The following TBC1D5 variants were observed in gnomAD, a reference collection of about 807,000 sequenced individuals.
The protein encoded by TBC1D5 is TBC1 domain family, member 5.
Under a neutral mutation model 100.3 loss-of-function variants are expected in TBC1D5, and 75 were observed. The observed-to-expected ratio is 0.75, with a 90% CI of 0.62 to 0.91. The LOEUF (loss-of-function observed/expected upper bound fraction) is 0.91, where lower values mean the gene tolerates loss of function less well. Among genes scored for constraint, TBC1D5 ranks in the 40% least tolerant of loss-of-function variants. The pLI is 0.00. For missense variants in TBC1D5, 910 were observed against 942.4 expected, an observed-to-expected ratio of 0.97 and a Z score of 0.45; for synonymous variants, 323 against 325.6, an observed-to-expected ratio of 0.99 and a Z score of 0.09.
At chr3:17,235,974 C>T (rs1008682583) in intron 17 of TBC1D5, among the ~76,000 whole-genome samples, 2 of 151,248 alleles carry the variant, frequency 1.3e-5, no homozygotes, top group African/African-American at 4.9e-5. Flanking sequence ...GGTTGCCAAA[C>T]AAGGCTACTT....
chr3:17,174,336 C>G (rs960775634), intron 19 of TBC1D5, among the ~76,000 whole-genome samples: 1 of 152,168 alleles, frequency 6.6e-6, no homozygotes, highest in Non-Finnish European at 1.5e-5. Flanking sequence ...ATATGGTGCT[C>G]TATTCAAAGT....
intron 21 of TBC1D5, among the ~76,000 whole-genome samples, chr3:17,165,061 C>T (rs965393995): frequency 2.6e-5 from 4 of 152,166 alleles, no homozygotes; most frequent in Admixed American, 6.5e-5. Flanking sequence ...CAGAAGCACA[C>T]GCAGAGGTGC....
At chr3:17,589,864 T>C (rs879818370) in intron 2 of TBC1D5, among the ~76,000 whole-genome samples, 3 of 152,164 alleles carry the variant, frequency 2.0e-5, no homozygotes, top group Non-Finnish European at 2.9e-5. Context: ...CCAATAACCA[T>C]GTGAATACCT....
chr3:17,715,978 G>C (rs1052172326), intron 1 of TBC1D5, among the ~76,000 whole-genome samples: 1 of 149,688 alleles, frequency 6.7e-6, no homozygotes, highest in African/African-American at 2.4e-5. Flanking sequence ...CTTGAATCCG[G>C]GAGGCGGAGG....
intron 13 of TBC1D5, among the ~76,000 whole-genome samples, chr3:17,329,475 C>A: frequency 6.6e-6 from 1 of 152,010 alleles, no homozygotes; most frequent in Non-Finnish European, 1.5e-5. Context: ...TATTTTTCAT[C>A]AGTAACTATT....
Position 17,406,538 on chromosome 3 carries a change from A to G in TBC1D5, c.168-12T>C, listed in dbSNP as rs772417587. 1.0e-5 allele frequency: 16 copies of G among 1,603,038 alleles called. No homozygotes were observed. The highest frequency in any genetic ancestry group is 8.5e-5 in the Admixed American group (5 of 58,632). On this transcript the variant is annotated splice_polypyrimidine_tract_variant and intron_variant, in intron 4 of 21. Transcript: ENST00000253692. Reference sequence around the variant, plus strand: ...CTTCCCATTCTTTCCTATATGAAAGAAACCAAAGCATGAGAATCCTTTTGT... The same window carrying G: ...CTTCCCATTCTTTCCTATATGAAAGGAACCAAAGCATGAGAATCCTTTTGT...
At chr3:17,644,667 A>G (rs981234982) in intron 1 of TBC1D5, among the ~76,000 whole-genome samples, 2 of 152,138 alleles carry the variant, frequency 1.3e-5, no homozygotes, top group African/African-American at 4.8e-5. Context: ...TCAGAATCTA[A>G]TCTAAGTGAT....
rs185615301 is a variant in TBC1D5 at position 17,452,752 on chromosome 3, T to C, written c.98-24233A>G. On this transcript the variant is annotated intron_variant, in intron 3 of 21. Coordinates refer to ENST00000253692, the Ensembl canonical transcript of TBC1D5. ...CACCCCACTTTCAGCAATGGAAATA[T>C]CTCCCAGACAAAGAAATCAAAAAAG... 3.4e-3 allele frequency among the ~76,000 whole-genome samples: 524 copies of C among 151,966 alleles called. 3 individuals are homozygous for C. The highest frequency in any genetic ancestry group is 0.012 in the African/African-American group (509 of 41,458).
At chr3:17,732,162 A>G (rs948946943) in intron 1 of TBC1D5, among the ~76,000 whole-genome samples, 33 of 152,108 alleles carry the variant, frequency 2.2e-4, no homozygotes, top group Admixed American at 3.3e-4. Context: ...TACTAAAAAT[A>G]CAAAAATTAG....
chr3:17,701,963 G>T (rs779983661), intron 1 of TBC1D5, among the ~76,000 whole-genome samples: 2 of 151,886 alleles, frequency 1.3e-5, no homozygotes, highest in African/African-American at 2.4e-5. Flanking sequence ...AAGAGCTAAA[G>T]ATTCCCTCTC....
intron 1 of TBC1D5, among the ~76,000 whole-genome samples, chr3:17,636,198 G>C (rs1014204516): frequency 3.3e-5 from 5 of 151,934 alleles, no homozygotes; most frequent in Non-Finnish European, 5.9e-5. Context: ...AGAAAAAAAA[G>C]AATGTTTTTC....
chr3:17,398,104 T>C (rs2093555766), intron 8 of TBC1D5, among the ~76,000 whole-genome samples: 2 of 152,146 alleles, frequency 1.3e-5, no homozygotes, highest in South Asian at 4.1e-4. Context: ...TAAATAATAC[T>C]GAATTTCTTT....
intron 16 of TBC1D5, among the ~76,000 whole-genome samples, chr3:17,246,253 A>T (rs182296454): frequency 6.6e-6 from 1 of 152,308 alleles, no homozygotes; most frequent in East Asian, 1.9e-4. Flanking sequence ...TAAAAAAACT[A>T]TAAAACACTG....
Position 17,312,902 on chromosome 3 carries a change from G to A in TBC1D5, c.996-4768C>T, listed in dbSNP as rs531872717. Among the ~76,000 whole-genome samples, 240 of 152,222 alleles carry A rather than the reference G, an allele frequency of 1.6e-3. 1 individual carries two copies. Among genetic ancestry groups the A allele is most frequent in the Middle Eastern group, 6.8e-3 (2 of 294 alleles). ...TGGGTACAGAAGATGACCATAATAT[G>A]ACATGCTTTTGATGCTTGAACATTT... On this transcript the variant is annotated intron_variant, in intron 13 of 21. Transcript: ENST00000253692.
At chr3:17,554,727 T>A (rs1215060264) in intron 2 of TBC1D5, among the ~76,000 whole-genome samples, 1 of 152,212 alleles carries the variant, frequency 6.6e-6, no homozygotes, top group Admixed American at 6.5e-5. Context: ...AGAATTTGGA[T>A]ACTAAAAACC....
intron 1 of TBC1D5, among the ~76,000 whole-genome samples, chr3:17,685,666 G>T (rs895664196): frequency 5.3e-5 from 8 of 152,094 alleles, no homozygotes; most frequent in Admixed American, 5.2e-4. Flanking sequence ...AGACTGCATA[G>T]GATTAGTTCT....
At chr3:17,551,052 C>G (rs1442181506) in intron 2 of TBC1D5, among the ~76,000 whole-genome samples, 13 of 151,174 alleles carry the variant, frequency 8.6e-5, no homozygotes, top group African/African-American at 2.4e-4. Context: ...GTAAATAGCT[C>G]TGTGTGTGTG....
At chr3:17,670,249 C>G (rs1463944639) in intron 1 of TBC1D5, among the ~76,000 whole-genome samples, 1 of 152,178 alleles carries the variant, frequency 6.6e-6, no homozygotes, top group Non-Finnish European at 1.5e-5. Flanking sequence ...TCACTCTGAA[C>G]ATGTAAAAAC....
chr3:17,267,510 T>A (rs937618432), intron 15 of TBC1D5, among the ~76,000 whole-genome samples: 60 of 152,248 alleles, frequency 3.9e-4, no homozygotes, highest in African/African-American at 1.4e-3. Context: ...CTCAAAAAAA[T>A]ATTCCTAAAG....
Sources: gnomAD v4.1 joint callset for allele counts (sites outside exome capture counted in the v4.1 genomes callset) on GRCh38, gnomAD v4.1.1 for gene constraint, MANE v1.5 for transcripts, NCBI Gene and HGNC (gene_info 2026-07-23, HGNC 2026-07-21) for gene names.